The following CDK11B variants were observed in gnomAD, a reference collection of about 807,000 sequenced individuals.
CDK11B encodes cyclin dependent kinase 11B.
A neutral mutation model predicts 84.0 loss-of-function variants in CDK11B; 37 were observed. The ratio of observed to expected loss-of-function variants is 0.44; its 90% confidence interval spans 0.34 to 0.58. The LOEUF is 0.58. Ranked by LOEUF, CDK11B falls within the 20% of genes least tolerant of loss-of-function variation. The pLI is 0.02. For synonymous variants in CDK11B, 269 were observed against 309.8 expected (o/e 0.87, Z 1.38); for missense variants, 427 against 834.0 (o/e 0.51, Z 6.01).
At position 1,654,534 on chromosome 1, in the gene CDK11B, CG is replaced by C. The variant is rs1364763485; in HGVS notation, c.227+834del. Among the ~76,000 whole-genome samples the C allele has an allele frequency of 5.3e-5, 8 of 152,308 alleles. No individual in the cohort carries two copies. In the East Asian group the frequency reaches 1.5e-3, roughly 29 times the overall value. On this transcript the variant is annotated intron_variant, in intron 3 of 19. Coordinates refer to ENST00000341832, the MANE Select transcript of CDK11B (RefSeq NM_033486.3). ...CTGGGCTGAAGTGATCTGCCTGCCTCGGCCTCCCAAAGTGCTGGGATTACAG... is the reference window on the plus strand; with the variant it reads ...CTGGGCTGAAGTGATCTGCCTGCCTCGCCTCCCAAAGTGCTGGGATTACAG...
chr1:1,636,864 G>A, intron 16 of CDK11B, 33 bp downstream of exon 16: 2 of 1,611,516 alleles, frequency 1.2e-6, no homozygotes, highest in Non-Finnish European at 1.7e-6. Context: ...CTGCGTGGGG[G>A]ACAGGGGAGG....
intron 3 of CDK11B, among the ~76,000 whole-genome samples, chr1:1,654,646 C>T (rs1266701151): frequency 6.1e-5 from 9 of 147,622 alleles, no homozygotes; most frequent in Non-Finnish European, 1.4e-4. Flanking sequence ...TTTATTTGTG[C>T]AAAATCTTTT....
chr1:1,648,381 T>C (rs1641445521), intron 5 of CDK11B, among the ~76,000 whole-genome samples: 1 of 152,246 alleles, frequency 6.6e-6, no homozygotes, highest in South Asian at 2.1e-4. Context: ...ACTGAAACCT[T>C]GCTCACCCCG....
rs776397424 is a variant in CDK11B, at chr1:1,654,156, G to T, written c.227+1213C>A. On this transcript the variant is annotated intron_variant, in intron 3 of 19. Transcript: ENST00000341832. ...AACCATTATACCGTAATTTCTGGCTGTGTTTCCTTTAATTACTAATACCTG... is the reference window on the plus strand; with the variant it reads ...AACCATTATACCGTAATTTCTGGCTTTGTTTCCTTTAATTACTAATACCTG... 15 of 464,998 alleles carry T rather than the reference G, an allele frequency of 3.2e-5. No individual in the cohort carries two copies. In the East Asian group the frequency reaches 7.6e-4, roughly 24 times the overall value. 28.8% of individuals were successfully genotyped at this position (464,998 alleles called of 1,614,324 possible).
chr1:1,650,213 T>C (rs1382257643), intron 4 of CDK11B, among the ~76,000 whole-genome samples: 4 of 127,348 alleles, frequency 3.1e-5, no homozygotes, highest in Non-Finnish European at 3.1e-5. Flanking sequence ...GAATTTGCAG[T>C]GAGCTGAGAT....
At chr1:1,649,845 G>C (rs1483283890) in intron 4 of CDK11B, among the ~76,000 whole-genome samples, 5 of 151,556 alleles carry the variant, frequency 3.3e-5, no homozygotes, top group Admixed American at 6.6e-5. Flanking sequence ...CGTGGTGGCA[G>C]GCACCTGTAA....
chr1:1,639,634 G>A (rs1639950790), intron 11 of CDK11B, among the ~76,000 whole-genome samples: 1 of 151,818 alleles, frequency 6.6e-6, no homozygotes, highest in Non-Finnish European at 1.5e-5. Flanking sequence ...AGCACTAAGG[G>A]GCAGAGGCGC....
chr1:1,637,074 G>A lies in CDK11B; in HGVS notation c.1692+7C>T, dbSNP rs747727041. ...CCCTGGGATGGGCCACTCGGAGGGGGGCTCACCTTGAGGATGCCGGCGTGG... is the reference window on the plus strand; with the variant it reads ...CCCTGGGATGGGCCACTCGGAGGGGAGCTCACCTTGAGGATGCCGGCGTGG... On this transcript the variant is annotated splice_region_variant and intron_variant, in intron 15 of 19. Coordinates refer to ENST00000341832, the MANE Select transcript of CDK11B (RefSeq NM_033486.3). The A allele has an allele frequency of 1.2e-6, 2 of 1,613,548 alleles. No individual in the cohort carries two copies. The highest frequency in any genetic ancestry group is 3.3e-5 in the Admixed American group (2 of 60,018).
chr1:1,649,848 A>G lies in CDK11B; in HGVS notation c.356-211T>C, dbSNP rs1472236049. ...AAATTAGCTGGGCGTGGTGGCAGGC[A>G]CCTGTAATCCCAGCTACTAAGCGAG... On this transcript the variant is annotated intron_variant, in intron 4 of 19. Transcript: ENST00000341832. Among the ~76,000 whole-genome samples, 13 of 150,386 alleles carry G rather than the reference A, an allele frequency of 8.6e-5. No homozygotes were observed. In the East Asian group the frequency reaches 1.8e-3, roughly 21 times the overall value.
At chr1:1,638,112 GC>G (rs1327697682) in intron 12 of CDK11B, among the ~76,000 whole-genome samples, 7 of 152,114 alleles carry the variant, frequency 4.6e-5, no homozygotes, top group Admixed American at 3.9e-4. Flanking sequence ...GCCACCTACA[GC>G]CACCTGGGAT....
At chr1:1,650,370 CTTT>C (rs1214383150) in intron 4 of CDK11B, among the ~76,000 whole-genome samples, 1 of 120,556 alleles carries the variant, frequency 8.3e-6, no homozygotes. Context: ...TCTTTTTTTT[CTTT>C]TTTTTTTTTG....
intron 3 of CDK11B, among the ~76,000 whole-genome samples, chr1:1,654,604 C>T (rs558320482): frequency 1.4e-4 from 21 of 148,994 alleles, no homozygotes; most frequent in African/African-American, 3.0e-4. Context: ...TTCTCATCAG[C>T]GGCCCTCCTC....
In CDK11B at chr1:1,649,607, CTTTCTT is replaced by C. The variant is rs1482221253; in HGVS notation, c.380_385del (p.Lys127_Glu128del). On this transcript the variant is annotated inframe_deletion, in exon 5 of 20. Coordinates refer to ENST00000341832, the MANE Select transcript of CDK11B (RefSeq NM_033486.3). ...ATGCCGTTTCCGACGTTCGTGCTCT[CTTTCTT>C]TTTCTTTCACTCTAGCATGCTTCCC... 219 of 1,609,190 alleles carry C rather than the reference CTTTCTT, an allele frequency of 1.4e-4. 1 individual carries two copies. Among genetic ancestry groups the C allele is most frequent in the Middle Eastern group, 3.3e-4 (2 of 6,082 alleles).
intron 3 of CDK11B, among the ~76,000 whole-genome samples, chr1:1,654,579 G>A (rs967199907): frequency 6.6e-6 from 1 of 151,856 alleles, no homozygotes; most frequent in Non-Finnish European, 1.5e-5. Flanking sequence ...TGCCGCGTCC[G>A]GCCAATATGA....
intron 11 of CDK11B, among the ~76,000 whole-genome samples, chr1:1,639,518 T>A (rs1449604576): frequency 6.6e-6 from 1 of 151,910 alleles, no homozygotes. Flanking sequence ...AGGCGCAGCA[T>A]GATGCCCCAT....
At chr1:1,640,793 G>A (rs1210870030) in intron 10 of CDK11B, among the ~76,000 whole-genome samples, 2 of 152,180 alleles carry the variant, frequency 1.3e-5, no homozygotes, top group Non-Finnish European at 2.9e-5. Flanking sequence ...ACCATCTGAC[G>A]GGCCTCCCCT....
chr1:1,650,097 C>A (rs1485922193), intron 4 of CDK11B, among the ~76,000 whole-genome samples: 1 of 150,700 alleles, frequency 6.6e-6, no homozygotes, highest in Non-Finnish European at 1.5e-5. Flanking sequence ...GGTGAAACCC[C>A]ATCTCTACTA....
intron 3 of CDK11B, among the ~76,000 whole-genome samples, chr1:1,653,819 T>C (rs188172507): frequency 2.0e-5 from 2 of 100,826 alleles, no homozygotes; most frequent in East Asian, 8.3e-4. Flanking sequence ...CCGTCTCTAC[T>C]AAAAATACAC....
chr1:1,646,446 T>C, intron 5 of CDK11B: 1 of 520,024 alleles, frequency 1.9e-6, no homozygotes, highest in South Asian at 1.4e-5. Flanking sequence ...AAAACTGTTG[T>C]AACACAGCTT....
Sources: gnomAD v4.1 joint callset for allele counts (sites outside exome capture counted in the v4.1 genomes callset) on GRCh38, gnomAD v4.1.1 for gene constraint, MANE v1.5 for transcripts, NCBI Gene and HGNC (gene_info 2026-07-23, HGNC 2026-07-21) for gene names.